The following CNTN3 variants were observed in gnomAD, a reference collection of about 807,000 sequenced individuals.
The protein encoded by CNTN3 is contactin 3, also known as contactin-3.
CNTN3 carries 60 observed loss-of-function variants against 119.1 expected under a neutral mutation model. That is an observed-to-expected ratio of 0.50 (90% CI 0.41 to 0.62). CNTN3 has a LOEUF of 0.62. CNTN3 is among the 20% of genes least tolerant of loss of function. The probability of loss-of-function intolerance (pLI) is 0.00; values close to 1 mark genes in which losing one functional copy is unlikely to be tolerated. For missense variants in CNTN3, 1,101 were observed against 1,242.4 expected (o/e 0.89, Z 1.71); for synonymous variants, 450 against 438.7 (o/e 1.03, Z -0.32).
At chr3:74,465,657 T>C (rs1204167390) in intron 4 of CNTN3, among the ~76,000 whole-genome samples, 1 of 152,196 alleles carries the variant, frequency 6.6e-6, no homozygotes, top group Non-Finnish European at 1.5e-5. Context: ...AATACATGTC[T>C]TTGCTTTTAC....
At chr3:74,426,083 C>A (rs1039342994) in intron 4 of CNTN3, among the ~76,000 whole-genome samples, 1 of 152,092 alleles carries the variant, frequency 6.6e-6, no homozygotes, top group African/African-American at 2.4e-5. Context: ...CAATCCAGTA[C>A]AGCAAATACT....
chr3:74,424,765 G>T, intron 5 of CNTN3, 80 bp downstream of exon 5: 1 of 1,130,784 alleles, frequency 8.8e-7, no homozygotes, highest in Non-Finnish European at 1.3e-6. Context: ...GTAATTTACA[G>T]ATGCAATAAC....
chr3:74,439,219 C>T (rs1701920458), intron 4 of CNTN3, among the ~76,000 whole-genome samples: 1 of 152,120 alleles, frequency 6.6e-6, no homozygotes, highest in Non-Finnish European at 1.5e-5. Flanking sequence ...TCAATATGTA[C>T]AATTAGGCTG....
intron 2 of CNTN3, among the ~76,000 whole-genome samples, chr3:74,501,017 C>G (rs551617617): frequency 6.6e-6 from 1 of 152,138 alleles, no homozygotes; most frequent in African/African-American, 2.4e-5. Context: ...CAGGGATACT[C>G]TCTCACTCTT....
At chr3:74,574,146 G>GACAT (rs1197925845) in intron 1 of CNTN3, among the ~76,000 whole-genome samples, 1 of 152,112 alleles carries the variant, frequency 6.6e-6, no homozygotes, top group Non-Finnish European at 1.5e-5. Context: ...TACATGCTAT[G>GACAT]ACATGGATGA....
At chr3:74,534,882 C>T (rs1703743710) in intron 1 of CNTN3, among the ~76,000 whole-genome samples, 1 of 151,806 alleles carries the variant, frequency 6.6e-6, no homozygotes, top group African/African-American at 2.4e-5. Context: ...ATACTTAAAC[C>T]TCTTTAGACT....
intron 1 of CNTN3, among the ~76,000 whole-genome samples, chr3:74,534,842 A>G (rs1703743151): frequency 6.6e-6 from 1 of 151,988 alleles, no homozygotes; most frequent in Admixed American, 6.6e-5. Context: ...CATAATGGCA[A>G]AAACAACAGT....
At chr3:74,362,483 A>T (rs1255878635) in intron 10 of CNTN3, among the ~76,000 whole-genome samples, 1 of 152,210 alleles carries the variant, frequency 6.6e-6, no homozygotes, top group Non-Finnish European at 1.5e-5. Context: ...TCTCATACAT[A>T]TGCATGTATC....
chr3:74,573,752 C>T (rs1037688652), intron 1 of CNTN3, among the ~76,000 whole-genome samples: 6 of 149,140 alleles, frequency 4.0e-5, no homozygotes, highest in African/African-American at 1.5e-4. Flanking sequence ...TCCACACTCA[C>T]AGTGATAGCC....
chr3:74,368,995 G>A (rs948016669), intron 8 of CNTN3, among the ~76,000 whole-genome samples, 194 bp downstream of exon 8: 19 of 151,882 alleles, frequency 1.3e-4, no homozygotes, highest in Middle Eastern at 3.4e-3. Flanking sequence ...ATATTATGTC[G>A]CCAACTTCAT....
intron 13 of CNTN3, among the ~76,000 whole-genome samples, chr3:74,304,987 A>G (rs1041233952): frequency 6.6e-6 from 1 of 152,166 alleles, no homozygotes; most frequent in African/African-American, 2.4e-5. Flanking sequence ...CTCCCACTCT[A>G]TGATCTTTTA....
chr3:74,362,061 G>A (rs922282805), intron 10 of CNTN3, 21 bp from the exon 11 acceptor site: 5 of 1,610,576 alleles, frequency 3.1e-6, no homozygotes, highest in Non-Finnish European at 4.2e-6. Flanking sequence ...AGAAAGGAGA[G>A]AAGGAGAAGT....
chr3:74,593,162 T>C (rs1314747808), intron 1 of CNTN3, among the ~76,000 whole-genome samples: 1 of 151,978 alleles, frequency 6.6e-6, no homozygotes, highest in Non-Finnish European at 1.5e-5. Context: ...TTTAGAACAA[T>C]TTATGACAAG....
rs1704061543 is a variant in CNTN3 at position 74,361,042 on chromosome 3, G to C, written c.1364+848C>G. Among the ~76,000 whole-genome samples the C allele has an allele frequency of 2.0e-5, 3 of 152,128 alleles. 1 individual carries two copies. The South Asian group carries it at 6.2e-4, about 32-fold the overall frequency. ...GTAACAGGTTTCTAGGATAAGGAGA[G>C]GGATGCTTTGGGGCCAATTATTCTG... is the stretch of plus-strand genomic sequence containing the variant. On this transcript the variant is annotated intron_variant, in intron 11 of 22. Coordinates refer to ENST00000263665, the MANE Select transcript of CNTN3 (RefSeq NM_020872.3).
Position 74,521,149 on chromosome 3 carries a change from T to A in CNTN3, c.-37A>T. The A allele has an allele frequency of 7.5e-7, 1 of 1,338,478 alleles. No individual in the cohort carries two copies. Among genetic ancestry groups the A allele is most frequent in the Non-Finnish European group, 1.1e-6 (1 of 945,870 alleles). 82.9% of individuals were successfully genotyped at this position (1,338,478 alleles called of 1,614,324 possible). A position where few individuals can be genotyped will look rare whatever the true frequency, so the allele number is the denominator to read the frequency against. On this transcript the variant is annotated 5_prime_UTR_variant, in exon 2 of 23. Transcript: ENST00000263665. ...AAATGCAAGAGTAACTCTTGTCCAGTCTCTGATGAATAGAATGCTTTCTCT... is the reference window on the plus strand; with the variant it reads ...AAATGCAAGAGTAACTCTTGTCCAGACTCTGATGAATAGAATGCTTTCTCT...
intron 11 of CNTN3, among the ~76,000 whole-genome samples, chr3:74,342,712 C>T (rs682335): frequency 0.082 from 12,414 of 152,168 alleles, 1,472 homozygotes; most frequent in African/African-American, 0.26. Context: ...TATTTAGAGC[C>T]AAAATCACTT....
chr3:74,296,042 T>C (rs675632), intron 18 of CNTN3, among the ~76,000 whole-genome samples: 12,188 of 152,162 alleles, frequency 0.08, 601 homozygotes, highest in East Asian at 0.15. Flanking sequence ...GCAGGTGCTC[T>C]AGAAGAGCAG....
chr3:74,470,882 G>C (rs1467677743), intron 4 of CNTN3, among the ~76,000 whole-genome samples: 2 of 151,958 alleles, frequency 1.3e-5, no homozygotes, highest in East Asian at 3.9e-4. Flanking sequence ...TGTTGTTGTT[G>C]TTGTTGTTGT....
At chr3:74,479,355 A>G (rs74836691) in intron 4 of CNTN3, among the ~76,000 whole-genome samples, 19,548 of 152,140 alleles carry the variant, frequency 0.13, 1,265 homozygotes, top group Non-Finnish European at 0.14. Flanking sequence ...AACTAGGGGC[A>G]AAGAGAATAC....
Sources: allele counts gnomAD v4.1 joint callset (sites outside exome capture counted in the v4.1 genomes callset), GRCh38; gene constraint gnomAD v4.1.1; transcripts MANE v1.5; gene names NCBI Gene and HGNC (gene_info 2026-07-23, HGNC 2026-07-21).